The following ADK variants were observed in gnomAD, a reference collection of about 807,000 sequenced individuals.
ADK encodes the protein N6,N6-dimethyladenosine kinase.
A neutral mutation model predicts 44.7 loss-of-function variants in ADK; 24 were observed. The ratio of observed to expected loss-of-function variants is 0.54; its 90% CI spans 0.39 to 0.76. ADK has a LOEUF of 0.76. Among genes scored for constraint, ADK ranks in the 30% least tolerant of loss-of-function variants. The probability of loss-of-function intolerance (pLI) is 0.00; values close to 1 mark genes in which losing one functional copy is unlikely to be tolerated. For synonymous variants in ADK, 128 were observed against 142.6 expected (o/e 0.90, Z 0.73); for missense variants, 321 against 425.1 (o/e 0.76, Z 2.15).
chr10:74,413,543 A>C (rs542912121), intron 6 of ADK, among the ~76,000 whole-genome samples: 18 of 152,310 alleles, frequency 1.2e-4, no homozygotes, highest in African/African-American at 4.1e-4. Flanking sequence ...CTTTAACAGA[A>C]TTGAAAAGAG....
At chr10:74,425,477 T>C (rs1186169527) in intron 6 of ADK, among the ~76,000 whole-genome samples, 3 of 151,988 alleles carry the variant, frequency 2.0e-5, no homozygotes, top group Non-Finnish European at 2.9e-5. Flanking sequence ...TTGGGTTCAG[T>C]AGTGTCCTGG....
intron 1 of ADK, among the ~76,000 whole-genome samples, chr10:74,199,711 G>A (rs1454262417): frequency 6.6e-6 from 1 of 151,632 alleles, no homozygotes; most frequent in South Asian, 2.1e-4. Context: ...GCAGAGTCTC[G>A]CTCTGTCGCC....
intron 9 of ADK, among the ~76,000 whole-genome samples, chr10:74,631,670 T>C (rs1853429607): frequency 6.6e-6 from 1 of 152,166 alleles, no homozygotes; most frequent in South Asian, 2.1e-4. Context: ...AAGTGCAGCC[T>C]GAACCATCAA....
chr10:74,191,019 C>T lies in ADK; in HGVS notation c.66-9745C>T, dbSNP rs116497091. 4.9e-3 allele frequency among the ~76,000 whole-genome samples: 669 copies of T among 135,802 alleles called. 6 individuals carry two copies. The highest frequency in any genetic ancestry group is 0.017 in the African/African-American group (609 of 36,480). 89.1% of individuals were successfully genotyped at this position (135,802 alleles called of 152,430 possible). ...TTTTTGAGATGCAGTCTTGCATTGT[C>T]GCCCAGGCTGAAGTGCAATGGTGTA... On this transcript the variant is annotated intron_variant, in intron 1 of 10. Transcript: ENST00000539909.
intron 3 of ADK, among the ~76,000 whole-genome samples, chr10:74,280,415 A>AACACACACACACACACACACACACACAT (rs1846887639): frequency 2.1e-5 from 3 of 144,340 alleles, no homozygotes; most frequent in Non-Finnish European, 4.5e-5. Flanking sequence ...AACAAGTTTA[A>AACACACACACACACACACACACACACAT]ACACACACAC....
chr10:74,640,800 A>G (rs1853817539), intron 9 of ADK, among the ~76,000 whole-genome samples: 1 of 152,362 alleles, frequency 6.6e-6, no homozygotes, highest in Middle Eastern at 3.4e-3. Flanking sequence ...CACAGGCCAT[A>G]TTTTAACAAG....
At chr10:74,484,789 A>G (rs770855825) in intron 6 of ADK, among the ~76,000 whole-genome samples, 1 of 152,186 alleles carries the variant, frequency 6.6e-6, no homozygotes, top group Non-Finnish European at 1.5e-5. Flanking sequence ...TCATTTCCAT[A>G]AGGAAATGGT....
intron 10 of ADK, among the ~76,000 whole-genome samples, chr10:74,684,519 T>G (rs1199288959): frequency 6.6e-6 from 1 of 152,084 alleles, no homozygotes; most frequent in Non-Finnish European, 1.5e-5. Context: ...ACCTGTAATC[T>G]CAGCACTTTG....
intron 8 of ADK, among the ~76,000 whole-genome samples, chr10:74,593,471 A>G (rs10443948): frequency 3.9e-4 from 55 of 140,878 alleles, no homozygotes; most frequent in Non-Finnish European, 6.1e-4. Flanking sequence ...ATATCTAGCA[A>G]TGACAAAAAA....
intron 1 of ADK, among the ~76,000 whole-genome samples, chr10:74,187,410 A>T (rs950639506): frequency 2.0e-5 from 3 of 152,006 alleles, no homozygotes; most frequent in Admixed American, 1.3e-4. Context: ...ACCCTATTTT[A>T]TTGGGTTGTC....
At chr10:74,510,947 A>C (rs1848293763) in intron 6 of ADK, among the ~76,000 whole-genome samples, 1 of 152,132 alleles carries the variant, frequency 6.6e-6, no homozygotes, top group African/African-American at 2.4e-5. Context: ...GGCTCAAGAG[A>C]TCCACCTGCC....
At chr10:74,529,979 C>T (rs1488351705) in intron 7 of ADK, among the ~76,000 whole-genome samples, 1 of 152,004 alleles carries the variant, frequency 6.6e-6, no homozygotes, top group Non-Finnish European at 1.5e-5. Context: ...TTAGATAAAG[C>T]TATATTTGCA....
intron 2 of ADK, among the ~76,000 whole-genome samples, chr10:74,215,409 C>G (rs1843974073): frequency 6.6e-6 from 1 of 152,124 alleles, no homozygotes; most frequent in East Asian, 1.9e-4. Flanking sequence ...CTCCCAGGTT[C>G]AAGTGATTCT....
rs1410747121 is a variant in ADK, at chr10:74,387,788, T to TA, written c.274-6350dup. Among the ~76,000 whole-genome samples, 30 of 152,354 alleles carry TA rather than the reference T, an allele frequency of 2.0e-4. No homozygotes were observed. The East Asian group carries it at 4.6e-3, about 23-fold the overall frequency. ...ATTCCTCCAGTTAGGTATAATTACT[T>TA]AAAGTATAACAAGAGCCCTTTCCTT... On this transcript the variant is annotated intron_variant, in intron 4 of 10. Coordinates refer to ENST00000539909, the MANE Select transcript of ADK (RefSeq NM_006721.4).
At chr10:74,545,214 G>A (rs1171688878) in intron 7 of ADK, among the ~76,000 whole-genome samples, 1 of 152,092 alleles carries the variant, frequency 6.6e-6, no homozygotes, top group Non-Finnish European at 1.5e-5. Context: ...TAGATATTCA[G>A]GAATTTCTAA....
At chr10:74,635,210 C>T (rs1473376659) in intron 9 of ADK, among the ~76,000 whole-genome samples, 2 of 152,066 alleles carry the variant, frequency 1.3e-5, no homozygotes, top group Non-Finnish European at 1.5e-5. Context: ...ACTACTGAAA[C>T]CAAAAGATGA....
intron 7 of ADK, among the ~76,000 whole-genome samples, chr10:74,534,014 T>A (rs976649551): frequency 6.6e-6 from 1 of 152,206 alleles, no homozygotes; most frequent in Non-Finnish European, 1.5e-5. Flanking sequence ...CTATGCTGAG[T>A]GTAAGATACT....
intron 4 of ADK, among the ~76,000 whole-genome samples, chr10:74,370,084 C>T (rs770500091): frequency 5.3e-5 from 8 of 152,022 alleles, no homozygotes; most frequent in Non-Finnish European, 1.0e-4. Context: ...ATCTGGAAGA[C>T]CTTTACTCTG....
At chr10:74,567,176 G>C (rs1850699975) in intron 7 of ADK, among the ~76,000 whole-genome samples, 1 of 152,094 alleles carries the variant, frequency 6.6e-6, no homozygotes, top group Admixed American at 6.5e-5. Context: ...TGGAGAGCAA[G>C]CTGATTGTTC....
Sources: allele counts gnomAD v4.1 joint callset (sites outside exome capture counted in the v4.1 genomes callset), GRCh38; gene constraint gnomAD v4.1.1; transcripts MANE v1.5; gene names NCBI Gene and HGNC (gene_info 2026-07-23, HGNC 2026-07-21).